SPAG9: variants seen among roughly 807,000 people sequenced by gnomAD.
SPAG9 encodes the protein sperm associated antigen 9.
Under a neutral mutation model 166.5 loss-of-function variants are expected in SPAG9, and 35 were observed. That is an observed-to-expected ratio of 0.21 (90% CI 0.16 to 0.28). SPAG9 has a LOEUF of 0.28. Ranked by LOEUF, SPAG9 falls within the 10% of genes least tolerant of loss-of-function variation. The pLI, the probability that SPAG9 is intolerant of heterozygous loss-of-function variation, is 1.00. For synonymous variants in SPAG9, 534 were observed against 565.5 expected (o/e 0.94, Z 0.79); for missense variants, 1,235 against 1,603.3 (o/e 0.77, Z 3.92).
intron 1 of SPAG9, among the ~76,000 whole-genome samples, chr17:51,081,542 G>A (rs745423048): frequency 8.6e-5 from 13 of 152,028 alleles, no homozygotes; most frequent in Admixed American, 2.0e-4. Flanking sequence ...TCAGGAGTTC[G>A]AGACCAGCCT....
At chr17:51,060,972 T>C (rs2047497296) in intron 2 of SPAG9, among the ~76,000 whole-genome samples, 1 of 151,320 alleles carries the variant, frequency 6.6e-6, no homozygotes, top group Non-Finnish European at 1.5e-5. Flanking sequence ...TCAGCCTCCC[T>C]GAGTAGCTGG....
chr17:51,098,960 T>C (rs939269218), intron 1 of SPAG9, among the ~76,000 whole-genome samples: 3 of 151,084 alleles, frequency 2.0e-5, no homozygotes, highest in African/African-American at 7.3e-5. Context: ...ATTAGCCGAG[T>C]GTGGCGGCGC....
Position 51,066,514 on chromosome 17 carries a change from C to T in SPAG9, c.425-10032G>A, listed in dbSNP as rs2047669535. On this transcript the variant is annotated intron_variant, in intron 2 of 29. Transcript: ENST00000262013. ...AGGCTGCAGTGAGCCAAGATCATGC[C>T]ATTGCACTCCAGGCTGGGCGACAGA... 2.1e-5 allele frequency among the ~76,000 whole-genome samples: 3 copies of T among 141,980 alleles called. No homozygotes were observed. The South Asian group carries it at 6.6e-4, about 31-fold the overall frequency. 93.1% of individuals were successfully genotyped at this position (141,980 alleles called of 152,430 possible). A position where few individuals can be genotyped will look rare whatever the true frequency, so the allele number is the denominator to read the frequency against.
At chr17:51,027,219 G>A (rs1339767316) in intron 6 of SPAG9, among the ~76,000 whole-genome samples, 1 of 152,030 alleles carries the variant, frequency 6.6e-6, no homozygotes, top group African/African-American at 2.4e-5. Context: ...ATCACTTGAG[G>A]TCAGAAGTTT....
At chr17:51,095,417 A>C (rs1437709333) in intron 1 of SPAG9, among the ~76,000 whole-genome samples, 1 of 150,060 alleles carries the variant, frequency 6.7e-6, no homozygotes, top group Non-Finnish European at 1.5e-5. Context: ...GACCAGCCTG[A>C]CCAACATGGT....
At chr17:50,971,163 C>T (rs182389758) in intron 28 of SPAG9, among the ~76,000 whole-genome samples, 16 of 152,032 alleles carry the variant, frequency 1.1e-4, no homozygotes, top group South Asian at 2.1e-4. Flanking sequence ...AAAAGTTAGC[C>T]GGGAATGGTG....
rs370432312 is a variant in SPAG9 at position 50,998,517 on chromosome 17, C to T, written c.1765G>A (p.Val589Ile). 2.3e-5 allele frequency: 37 copies of T among 1,613,968 alleles called. No individual in the cohort carries two copies. The East Asian group carries it at 4.5e-4, about 19-fold the overall frequency. Residue 589 changes from valine (V) to isoleucine (I), a missense_variant, in exon 15 of 30, where the codon GTC becomes ATC. By Grantham distance (29) the Val-to-Ile change is conservative (BLOSUM62 3). Coordinates refer to ENST00000262013, the MANE Select transcript of SPAG9 (RefSeq NM_001130528.3). ...GATAAGGTGCTGCTTCTTTTCTTGACGGACGGAGTAACATGAGACGTGGGT... is the reference window on the plus strand; with the variant it reads ...GATAAGGTGCTGCTTCTTTTCTTGATGGACGGAGTAACATGAGACGTGGGT... ...NAPTSHVTPS[V>I]KKRSSTLSQL...
intron 13 of SPAG9, among the ~76,000 whole-genome samples, chr17:51,000,433 G>A (rs1445937855): frequency 6.6e-6 from 1 of 152,046 alleles, no homozygotes; most frequent in East Asian, 1.9e-4. Flanking sequence ...GTTAAAAACA[G>A]CAATGGAAAG....
At chr17:51,087,211 CAG>C (rs1486685833) in intron 1 of SPAG9, among the ~76,000 whole-genome samples, 3 of 152,172 alleles carry the variant, frequency 2.0e-5, no homozygotes, top group African/African-American at 7.2e-5. Flanking sequence ...ACCTCATAAA[CAG>C]AAGTTGCTGT....
At chr17:51,081,825 C>A (rs942133314) in intron 1 of SPAG9, among the ~76,000 whole-genome samples, 1 of 152,140 alleles carries the variant, frequency 6.6e-6, no homozygotes, top group Non-Finnish European at 1.5e-5. Flanking sequence ...CTCTAAGGAT[C>A]TACACAACAT....
chr17:50,994,884 T>C (rs1975941935), intron 18 of SPAG9, among the ~76,000 whole-genome samples, 173 bp downstream of exon 18: 1 of 152,210 alleles, frequency 6.6e-6, no homozygotes, highest in African/African-American at 2.4e-5. Context: ...GCACACTTTA[T>C]TGCATGTAAA....
At chr17:51,090,960 T>C (rs1427452026) in intron 1 of SPAG9, among the ~76,000 whole-genome samples, 3 of 152,076 alleles carry the variant, frequency 2.0e-5, no homozygotes, top group South Asian at 2.1e-4. Flanking sequence ...ATTACATATG[T>C]GAACAAGAAA....
At chr17:51,096,670 G>A (rs2144717247) in intron 1 of SPAG9, among the ~76,000 whole-genome samples, 1 of 152,222 alleles carries the variant, frequency 6.6e-6, no homozygotes, top group Admixed American at 6.6e-5. Context: ...AGAATGGATA[G>A]TGGTATATTC....
chr17:51,083,457 G>A (rs955352446), intron 1 of SPAG9, among the ~76,000 whole-genome samples: 3 of 151,508 alleles, frequency 2.0e-5, no homozygotes, highest in African/African-American at 7.3e-5. Context: ...GGCCAGTCTC[G>A]AACTCCTGAC....
At chr17:51,105,884 G>GA (rs1232384326) in intron 1 of SPAG9, among the ~76,000 whole-genome samples, 5 of 151,240 alleles carry the variant, frequency 3.3e-5, no homozygotes, top group Non-Finnish European at 7.4e-5. Flanking sequence ...AAGAGAAAAA[G>GA]AAAAAACACT....
At chr17:51,089,620 T>TTATATA (rs746370783) in intron 1 of SPAG9, among the ~76,000 whole-genome samples, 605 of 40,202 alleles carry the variant, frequency 0.015, 5 homozygotes, top group East Asian at 0.025. Flanking sequence ...ACACTTTATT[T>TTATATA]TATATATATA....
intron 4 of SPAG9, among the ~76,000 whole-genome samples, chr17:51,045,291 T>TTC (rs2046980864): frequency 6.6e-6 from 1 of 152,210 alleles, no homozygotes; most frequent in Non-Finnish European, 1.5e-5. Context: ...TATATTAATA[T>TTC]TCTACATATT....
At chr17:51,055,076 A>G (rs1471971125) in intron 3 of SPAG9, among the ~76,000 whole-genome samples, 1 of 152,148 alleles carries the variant, frequency 6.6e-6, no homozygotes, top group African/African-American at 2.4e-5. Context: ...GTCCAGGCAC[A>G]CTGGCTCACA....
intron 1 of SPAG9, among the ~76,000 whole-genome samples, chr17:51,112,685 A>C (rs1206156428): frequency 8.7e-5 from 13 of 150,096 alleles, no homozygotes; most frequent in African/African-American, 3.2e-4. Flanking sequence ...AAAAAAAAAA[A>C]AAAAAAAAAA....
Sources: gnomAD v4.1 joint callset for allele counts (sites outside exome capture counted in the v4.1 genomes callset) on GRCh38, gnomAD v4.1.1 for gene constraint, MANE v1.5 for transcripts, NCBI Gene and HGNC (gene_info 2026-07-23, HGNC 2026-07-21) for gene names.